SRGAP2B: variants seen among roughly 807,000 people sequenced by gnomAD.
The protein encoded by SRGAP2B is SLIT-ROBO Rho GTPase-activating protein 2B.
SRGAP2B carries 9 observed loss-of-function variants against 22.2 expected under a neutral mutation model. The observed-to-expected ratio is 0.41, with a 90% CI of 0.24 to 0.71. The LOEUF is 0.71. Among genes scored for constraint, SRGAP2B ranks in the 30% least tolerant of loss-of-function variants. The probability of loss-of-function intolerance (pLI) is 0.35; values close to 1 mark genes in which losing one functional copy is unlikely to be tolerated. For synonymous variants in SRGAP2B, 36 were observed against 87.4 expected (o/e 0.41, Z 3.28); for missense variants, 114 against 235.8 (o/e 0.48, Z 3.38).
intron 2 of SRGAP2B, among the ~76,000 whole-genome samples, chr1:145,063,673 C>G (rs1651161600): frequency 6.7e-6 from 1 of 149,096 alleles, no homozygotes; most frequent in Non-Finnish European, 1.5e-5. Flanking sequence ...AATCTGCTTC[C>G]CAGCTGCAAC....
Position 144,992,508 on chromosome 1 carries a change from G to A in SRGAP2B, c.260+2500C>T, listed in dbSNP as rs1473509186. 2.1e-5 allele frequency among the ~76,000 whole-genome samples: 3 copies of A among 144,708 alleles called. No individual in the cohort carries two copies. The South Asian group carries it at 6.6e-4, about 32-fold the overall frequency. The allele number at this position is 144,708 out of a possible 152,430, so 94.9% of individuals were successfully genotyped here. A position where few individuals can be genotyped will look rare whatever the true frequency, so the allele number is the denominator to read the frequency against. The stretch of plus-strand genomic sequence containing the variant: ...CTAAAGCAAATGATTCCTCCCCTAA[G>A]TCTTCATTTATCACATACTAAAATA... On this transcript the variant is annotated intron_variant, in intron 3 of 9. Transcript: ENST00000612199.
intron 2 of SRGAP2B, among the ~76,000 whole-genome samples, chr1:145,066,855 G>GC (rs1651552903): frequency 2.1e-5 from 3 of 144,534 alleles, no homozygotes; most frequent in Admixed American, 2.1e-4. Context: ...GAAAGAAAAC[G>GC]CAGGATCTCC....
chr1:145,086,697 A>G lies in SRGAP2B; in HGVS notation c.67+6138T>C, dbSNP rs1172797141. ...ACCCCATCTGAAAAAAAAAAAAAAAAAAAGAAAAAAGAACACCCCTATGTT... is the reference window on the plus strand; with the variant it reads ...ACCCCATCTGAAAAAAAAAAAAAAAGAAAGAAAAAAGAACACCCCTATGTT... On this transcript the variant is annotated intron_variant, in intron 2 of 9. Coordinates refer to ENST00000612199, the Ensembl canonical transcript of SRGAP2B. Among the ~76,000 whole-genome samples, 16 of 103,178 alleles carry G rather than the reference A, an allele frequency of 1.6e-4. 1 individual carries two copies. The highest frequency in any genetic ancestry group is 4.8e-3 in the Middle Eastern group (1 of 210). 67.7% of individuals were successfully genotyped at this position (103,178 alleles called of 152,430 possible). A position where few individuals can be genotyped will look rare whatever the true frequency, so the allele number is the denominator to read the frequency against.
chr1:144,944,391 T>C (rs1553608012), intron 4 of SRGAP2B, among the ~76,000 whole-genome samples: 2 of 148,118 alleles, frequency 1.4e-5, no homozygotes, highest in African/African-American at 2.6e-5. Flanking sequence ...AGCCCCAGAG[T>C]TCAAGCCTAG....
At chr1:144,974,187 C>A (rs1668738402) in intron 3 of SRGAP2B, among the ~76,000 whole-genome samples, 1 of 145,398 alleles carries the variant, frequency 6.9e-6, no homozygotes, top group Non-Finnish European at 1.5e-5. Context: ...TAAAAACCAG[C>A]CTTTGCTAAG....
intron 4 of SRGAP2B, among the ~76,000 whole-genome samples, chr1:144,943,507 C>A (rs1666229161): frequency 6.9e-6 from 1 of 145,500 alleles, no homozygotes; most frequent in African/African-American, 2.6e-5. Flanking sequence ...AAAGATTATT[C>A]AAAAGAATAG....
chr1:145,093,991 G>C (rs1322698896), intron 1 of SRGAP2B, among the ~76,000 whole-genome samples: 2 of 148,372 alleles, frequency 1.3e-5, no homozygotes, highest in Non-Finnish European at 3.0e-5. Context: ...AAGCCTGCTC[G>C]GCACGGGACA....
At chr1:145,062,607 A>G (rs1651040126) in intron 2 of SRGAP2B, among the ~76,000 whole-genome samples, 1 of 152,188 alleles carries the variant, frequency 6.6e-6, no homozygotes. Flanking sequence ...ACACACTGAA[A>G]CGGAACCAAC....
intron 3 of SRGAP2B, among the ~76,000 whole-genome samples, chr1:144,986,545 G>A (rs201408403): frequency 6.8e-6 from 1 of 146,424 alleles, no homozygotes; most frequent in African/African-American, 2.6e-5. Context: ...GAATTCCATT[G>A]ATTCTTGTCC....
chr1:144,990,815 C>T (rs1670133126), intron 3 of SRGAP2B, among the ~76,000 whole-genome samples: 1 of 151,378 alleles, frequency 6.6e-6, no homozygotes, highest in Non-Finnish European at 1.5e-5. Context: ...GGAGGGTGTA[C>T]TGAGTCCCCC....
In SRGAP2B at chr1:144,929,721, A is replaced by G. The variant is rs1553345382; in HGVS notation, c.424-14967T>C. 6.6e-5 allele frequency among the ~76,000 whole-genome samples: 10 copies of G among 150,922 alleles called. No individual in the cohort carries two copies. In the East Asian group the frequency reaches 1.8e-3, roughly 27 times the overall value. Reference sequence around the variant, plus strand: ...CTAGGATGATAGTATCTTCCACAGTATCTTCCTCTAGAGAGGATTTAAATT... The same window carrying G: ...CTAGGATGATAGTATCTTCCACAGTGTCTTCCTCTAGAGAGGATTTAAATT... On this transcript the variant is annotated intron_variant, in intron 4 of 9. Transcript: ENST00000612199.
intron 2 of SRGAP2B, among the ~76,000 whole-genome samples, chr1:145,023,031 G>A (rs1325537913): frequency 3.3e-5 from 5 of 149,906 alleles, no homozygotes; most frequent in East Asian, 1.9e-4. Flanking sequence ...TGGGCATGGC[G>A]ATGCGTGCCT....
chr1:144,913,033 C>T (rs1489465576), intron 5 of SRGAP2B, among the ~76,000 whole-genome samples: 2 of 138,730 alleles, frequency 1.4e-5, no homozygotes, highest in African/African-American at 5.7e-5. Flanking sequence ...CTCTGCAGAC[C>T]AGAGAAATAA....
intron 4 of SRGAP2B, among the ~76,000 whole-genome samples, chr1:144,940,280 G>C (rs1470113307): frequency 9.6e-6 from 1 of 104,560 alleles, no homozygotes; most frequent in Non-Finnish European, 1.9e-5. Context: ...GCGTAGCACT[G>C]ATTCTCAACT....
intron 2 of SRGAP2B, among the ~76,000 whole-genome samples, chr1:145,066,332 C>CA (rs1357368819): frequency 4.1e-5 from 6 of 147,274 alleles, no homozygotes; most frequent in Non-Finnish European, 7.4e-5. Context: ...GACTCTGTCT[C>CA]AAAAAATAAT....
chr1:145,048,347 TG>T (rs2102378628), intron 2 of SRGAP2B, among the ~76,000 whole-genome samples: 1 of 142,426 alleles, frequency 7.0e-6, no homozygotes, highest in South Asian at 2.5e-4. Flanking sequence ...ACACATCTCC[TG>T]CCAATGGAAG....
chr1:145,047,175 CAAAAA>C (rs4058382), intron 2 of SRGAP2B, among the ~76,000 whole-genome samples: 6 of 14,568 alleles, frequency 4.1e-4, no homozygotes, highest in African/African-American at 2.8e-3. Context: ...GACTCTGTCT[CAAAAA>C]AAAAAAAAAA....
intron 2 of SRGAP2B, among the ~76,000 whole-genome samples, chr1:145,088,705 A>C (rs1653668383): frequency 7.1e-6 from 1 of 140,874 alleles, no homozygotes; most frequent in African/African-American, 2.6e-5. Flanking sequence ...CCAGATTCAC[A>C]ACCCTGGTAA....
At chr1:145,037,065 A>AC (rs1259226469) in intron 2 of SRGAP2B, among the ~76,000 whole-genome samples, 2 of 146,820 alleles carry the variant, frequency 1.4e-5, no homozygotes, top group Admixed American at 1.4e-4. Flanking sequence ...GCTTCCTTGG[A>AC]CCCCTTCCTC....
Sources: allele counts gnomAD v4.1 joint callset (sites outside exome capture counted in the v4.1 genomes callset), GRCh38; gene constraint gnomAD v4.1.1; transcripts MANE v1.5; gene names NCBI Gene and HGNC (gene_info 2026-07-23, HGNC 2026-07-21).